The following FAT3 variants were observed in gnomAD, a reference collection of about 807,000 sequenced individuals.
FAT3 encodes protocadherin Fat 3.
In FAT3, 95 loss-of-function variants were observed where a neutral mutation model predicts 310.2. The ratio of observed to expected loss-of-function variants is 0.31; its 90% CI spans 0.26 to 0.36. FAT3 has a LOEUF of 0.36. Among genes scored for constraint, FAT3 ranks in the 10% least tolerant of loss-of-function variants. The pLI is 1.00. For missense variants in FAT3, 5,408 were observed against 5,715.6 expected (o/e 0.95, Z 1.74); for synonymous variants, 2,314 against 2,192.9 (o/e 1.06, Z -1.54).
rs1021387091 is a variant in FAT3 at position 92,857,103 on chromosome 11, A to T, written c.11366-111A>T. 3.3e-6 allele frequency: 5 copies of T among 1,507,734 alleles called. No individual in the cohort carries two copies. The African/African-American group carries it at 6.9e-5, about 21-fold the overall frequency. The allele number at this position is 1,507,734 out of a possible 1,614,324, so 93.4% of individuals were successfully genotyped here. On this transcript the variant is annotated intron_variant, in intron 19 of 27. Transcript: ENST00000525166. Reference sequence around the variant, plus strand: ...TTGTGACTCAGCTCAGAGCCCACATATCCCAGCTCTTGAGCCATTTGTGTG... The same window carrying T: ...TTGTGACTCAGCTCAGAGCCCACATTTCCCAGCTCTTGAGCCATTTGTGTG...
intron 3 of FAT3, among the ~76,000 whole-genome samples, chr11:92,547,201 C>A (rs1451008661): frequency 2.0e-5 from 3 of 152,144 alleles, no homozygotes; most frequent in African/African-American, 7.2e-5. Flanking sequence ...TCTCACCCTG[C>A]CTAAAAGGGG....
intron 1 of FAT3, among the ~76,000 whole-genome samples, chr11:92,304,074 A>G (rs778153796): frequency 1.3e-5 from 2 of 152,134 alleles, no homozygotes; most frequent in Non-Finnish European, 2.9e-5. Flanking sequence ...TCTACTGTGT[A>G]ACCTTTCCAT....
chr11:92,748,247 C>T (rs1441841722), intron 4 of FAT3, among the ~76,000 whole-genome samples: 1 of 152,048 alleles, frequency 6.6e-6, no homozygotes, highest in African/African-American at 2.4e-5. Flanking sequence ...AGGGGAACTT[C>T]CATTTATAAA....
At chr11:92,629,725 C>G (rs1941483384) in intron 3 of FAT3, among the ~76,000 whole-genome samples, 1 of 152,106 alleles carries the variant, frequency 6.6e-6, no homozygotes, top group Non-Finnish European at 1.5e-5. Context: ...TCCCCTTCTT[C>G]AGCACCAACC....
chr11:92,274,350 G>T (rs929963427), intron 1 of FAT3, among the ~76,000 whole-genome samples: 11 of 151,956 alleles, frequency 7.2e-5, no homozygotes, highest in African/African-American at 2.4e-4. Flanking sequence ...AAAATTTCTA[G>T]TAACTTGGAG....
intron 4 of FAT3, among the ~76,000 whole-genome samples, chr11:92,761,339 C>T (rs1038260639): frequency 2.0e-5 from 3 of 152,180 alleles, no homozygotes; most frequent in Admixed American, 1.3e-4. Flanking sequence ...GTTTGATCCT[C>T]ATGATCTAAT....
chr11:92,677,082 G>A (rs553390924), intron 3 of FAT3, among the ~76,000 whole-genome samples: 8 of 152,332 alleles, frequency 5.3e-5, no homozygotes, highest in Admixed American at 3.3e-4. Flanking sequence ...TGTTACAGGC[G>A]AGATACTGGG....
intron 3 of FAT3, among the ~76,000 whole-genome samples, chr11:92,582,948 A>G (rs1938894623): frequency 6.6e-6 from 1 of 152,016 alleles, no homozygotes; most frequent in Admixed American, 6.6e-5. Flanking sequence ...GATAAAATAC[A>G]TTGTGCACGA....
chr11:92,338,771 G>T (rs1198188657), intron 1 of FAT3, among the ~76,000 whole-genome samples: 1 of 152,210 alleles, frequency 6.6e-6, no homozygotes, highest in Non-Finnish European at 1.5e-5. Flanking sequence ...GATTCTAGCT[G>T]TCAAGGTGAC....
chr11:92,868,444 A>G (rs886625856), intron 22 of FAT3, among the ~76,000 whole-genome samples: 1 of 152,236 alleles, frequency 6.6e-6, no homozygotes, highest in African/African-American at 2.4e-5. Context: ...TTATGGTGCC[A>G]TAATTCCCAA....
intron 4 of FAT3, among the ~76,000 whole-genome samples, chr11:92,702,015 G>A (rs998876413): frequency 1.3e-5 from 2 of 152,170 alleles, no homozygotes; most frequent in Non-Finnish European, 2.9e-5. Flanking sequence ...ATTCAGGTGT[G>A]CCTGTGATTG....
At chr11:92,889,594 A>G (rs930527834) in intron 26 of FAT3, among the ~76,000 whole-genome samples, 1 of 152,226 alleles carries the variant, frequency 6.6e-6, no homozygotes, top group Non-Finnish European at 1.5e-5. Context: ...CACAGCTGCA[A>G]TATTATGGAT....
At chr11:92,303,775 G>C (rs940605586) in intron 1 of FAT3, among the ~76,000 whole-genome samples, 2 of 152,148 alleles carry the variant, frequency 1.3e-5, no homozygotes, top group African/African-American at 4.8e-5. Context: ...TGTTATAAAA[G>C]AGGTGGGTTA....
chr11:92,704,746 T>C (rs1296175515), intron 4 of FAT3, among the ~76,000 whole-genome samples: 1 of 152,062 alleles, frequency 6.6e-6, no homozygotes, highest in Non-Finnish European at 1.5e-5. Flanking sequence ...AAAAACAAAT[T>C]TCTGTCATTT....
At chr11:92,708,267 C>T (rs553054895) in intron 4 of FAT3, among the ~76,000 whole-genome samples, 17 of 152,200 alleles carry the variant, frequency 1.1e-4, no homozygotes, top group African/African-American at 3.9e-4. Flanking sequence ...AAGGATGTTA[C>T]ACAATTATTC....
intron 13 of FAT3, among the ~76,000 whole-genome samples, chr11:92,819,747 G>C (rs1207038553): frequency 3.3e-5 from 5 of 152,174 alleles, no homozygotes; most frequent in Non-Finnish European, 5.9e-5. Flanking sequence ...TTTCAAAGTA[G>C]TGGTAAGTAG....
intron 4 of FAT3, among the ~76,000 whole-genome samples, chr11:92,752,835 C>T (rs151140254): frequency 0.01 from 1,569 of 152,118 alleles, 25 homozygotes; most frequent in African/African-American, 0.034. Flanking sequence ...GTTTAATATG[C>T]GATCGCTCTA....
chr11:92,469,681 A>C (rs1050055279), intron 2 of FAT3, among the ~76,000 whole-genome samples: 2 of 149,722 alleles, frequency 1.3e-5, no homozygotes, highest in Admixed American at 6.7e-5. Context: ...TGCCTAGCTA[A>C]TTTTTTTTTA....
intron 3 of FAT3, among the ~76,000 whole-genome samples, chr11:92,547,008 A>C (rs1466820991): frequency 1.3e-5 from 2 of 152,200 alleles, no homozygotes; most frequent in African/African-American, 4.8e-5. Flanking sequence ...ATAATACGTA[A>C]GGTCTCTTTA....
Sources: allele counts gnomAD v4.1 joint callset (sites outside exome capture counted in the v4.1 genomes callset), GRCh38; gene constraint gnomAD v4.1.1; transcripts MANE v1.5; gene names NCBI Gene and HGNC (gene_info 2026-07-23, HGNC 2026-07-21).